Variants in EVA1A observed in about 807,000 individuals in gnomAD.
EVA1A encodes protein eva-1 homolog A.
A neutral mutation model predicts 9.8 loss-of-function variants in EVA1A; 7 were observed. The ratio of observed to expected loss-of-function variants is 0.71; its 90% CI spans 0.41 to 1.34. The LOEUF (loss-of-function observed/expected upper bound fraction) is 1.34, where lower values mean the gene tolerates loss of function less well. Ranked by LOEUF, EVA1A falls within the 40% of genes most tolerant of loss-of-function variation. The pLI is 0.01. For missense variants in EVA1A, 206 were observed against 205.9 expected (o/e 1.00, Z 0.00); for synonymous variants, 90 against 85.6 (o/e 1.05, Z -0.28).
At chr2:75,565,920 A>C (rs1191515457), upstream of EVA1A, among the ~76,000 whole-genome samples, 1 of 152,208 alleles carries the variant, frequency 6.6e-6, no homozygotes, top group African/African-American at 2.4e-5. Flanking sequence ...TTGAAAAGAA[A>C]ATGTATACTT....
At chr2:75,536,771 A>T (rs560737514) in intron 1 of EVA1A, among the ~76,000 whole-genome samples, 1 of 152,314 alleles carries the variant, frequency 6.6e-6, no homozygotes, top group East Asian at 1.9e-4. Flanking sequence ...AGATAATTTG[A>T]ATAGCCCTAT....
At chr2:75,535,812 C>T (rs569417413) in intron 1 of EVA1A, among the ~76,000 whole-genome samples, 1 of 152,184 alleles carries the variant, frequency 6.6e-6, no homozygotes, top group East Asian at 1.9e-4. Flanking sequence ...GAGATGAAAA[C>T]CTACCCATTG....
chr2:75,556,967 G>A (rs1288866216), intron 1 of EVA1A, among the ~76,000 whole-genome samples: 1 of 152,180 alleles, frequency 6.6e-6, no homozygotes, highest in Non-Finnish European at 1.5e-5. Flanking sequence ...AGTCTTGGAT[G>A]TCAATGGATA....
Position 75,518,133 on chromosome 2 carries a change from A to G in EVA1A, c.8T>C (p.Leu3Pro), listed in dbSNP as rs369146049. 9.3e-6 allele frequency: 15 copies of G among 1,613,914 alleles called. No homozygotes were observed. Among genetic ancestry groups the G allele is most frequent in the African/African-American group, 1.3e-5 (1 of 74,908 alleles). Reference protein sequence around the residue: MRLPLSHSPEHVE... With the variant: MRPPLSHSPEHVE... ...GTGCTCTGGGCTGTGGCTGAGGGGC[A>G]GCCTCATGGGACATCCAGAGGGGAC... The change falls in exon 3 of 4, where the codon CTG (leucine) becomes CCG (proline). Residue 3 changes from leucine (L) to proline (P), a missense_variant. Coordinates refer to ENST00000393913, the MANE Select transcript of EVA1A (RefSeq NM_001135032.2).
chr2:75,539,969 C>T (rs968713302), intron 1 of EVA1A, among the ~76,000 whole-genome samples: 2 of 152,076 alleles, frequency 1.3e-5, no homozygotes, highest in African/African-American at 4.8e-5. Context: ...GGAGCTGGAG[C>T]CATGGAGGAG....
Position 75,527,488 on chromosome 2 carries a change from G to A in EVA1A, c.-191-5001C>T, listed in dbSNP as rs915806742. ...GACTCTCATCACTACCAGTGGTTAC[G>A]AGCCCCACATCTGTGGAGACCACAT... On this transcript the variant is annotated intron_variant, in intron 1 of 3. Transcript: ENST00000393913. Among the ~76,000 whole-genome samples, 4 of 152,082 alleles carry A rather than the reference G, an allele frequency of 2.6e-5. No homozygotes were observed. In the South Asian group the frequency reaches 6.2e-4, roughly 24 times the overall value.
At chr2:75,505,489 T>C (rs1558672819) in intron 3 of EVA1A, among the ~76,000 whole-genome samples, 1 of 152,188 alleles carries the variant, frequency 6.6e-6, no homozygotes, top group Non-Finnish European at 1.5e-5. Context: ...ATTTGTTATA[T>C]GTAAATACAT....
chr2:75,550,637 C>T (rs144549829), intron 1 of EVA1A, among the ~76,000 whole-genome samples: 2,043 of 152,360 alleles, frequency 0.013, 42 homozygotes, highest in African/African-American at 0.045. Context: ...TTGTGAAAGA[C>T]ATTTTCTCTG....
At chr2:75,495,106 A>T (rs1674162761) in intron 3 of EVA1A, among the ~76,000 whole-genome samples, 2 of 152,098 alleles carry the variant, frequency 1.3e-5, no homozygotes, top group Admixed American at 6.5e-5. Flanking sequence ...ATTTCCCCTG[A>T]GTCCCCACAG....
intron 1 of EVA1A, among the ~76,000 whole-genome samples, chr2:75,543,939 G>A (rs1357415549): frequency 6.6e-6 from 1 of 151,950 alleles, no homozygotes; most frequent in East Asian, 1.9e-4. Context: ...TCATTTCAAG[G>A]GTTCTAGAAA....
At chr2:75,520,169 C>T (rs149110513) in intron 2 of EVA1A, among the ~76,000 whole-genome samples, 136 of 152,178 alleles carry the variant, frequency 8.9e-4, no homozygotes, top group Non-Finnish European at 1.6e-3. Context: ...CTTTTAGTTC[C>T]CCCAAGTAGA....
rs1199770644 is a variant in EVA1A at position 75,492,871 on chromosome 2, C to T, written c.*365G>A. 2 of 211,838 alleles carry T rather than the reference C, an allele frequency of 9.4e-6. No individual in the cohort carries two copies. The highest frequency in any genetic ancestry group is 4.6e-5 in the African/African-American group (2 of 43,298). The allele number at this position is 211,838 out of a possible 1,614,324, so 13.1% of individuals were successfully genotyped here. ...CACCCTGCTATTCCCAGCCCTCATGCTATAATGATCTTTCCTTTTGCAAAG... is the reference window on the plus strand; with the variant it reads ...CACCCTGCTATTCCCAGCCCTCATGTTATAATGATCTTTCCTTTTGCAAAG... On this transcript the variant is annotated 3_prime_UTR_variant, in exon 4 of 4. Coordinates refer to ENST00000393913, the MANE Select transcript of EVA1A (RefSeq NM_001135032.2).
At chr2:75,552,392 A>G (rs55666492) in intron 1 of EVA1A, among the ~76,000 whole-genome samples, 1 of 152,074 alleles carries the variant, frequency 6.6e-6, no homozygotes, top group Non-Finnish European at 1.5e-5. Context: ...TAGCCCCACT[A>G]TCCTTCCCAC....
chr2:75,551,263 G>A (rs1228109678), intron 1 of EVA1A, among the ~76,000 whole-genome samples: 1 of 152,122 alleles, frequency 6.6e-6, no homozygotes, highest in East Asian at 1.9e-4. Flanking sequence ...AAAAACAATT[G>A]CTAAAGTTTG....
At chr2:75,543,735 G>A (rs1676222996) in intron 1 of EVA1A, among the ~76,000 whole-genome samples, 1 of 152,084 alleles carries the variant, frequency 6.6e-6, no homozygotes, top group Non-Finnish European at 1.5e-5. Context: ...CAACCACATA[G>A]GACCTGCCCC....
At chr2:75,526,629 C>T (rs751204954) in intron 1 of EVA1A, among the ~76,000 whole-genome samples, 14 of 152,130 alleles carry the variant, frequency 9.2e-5, no homozygotes, top group South Asian at 6.2e-4. Flanking sequence ...CTATACTTTG[C>T]TAGAGTAAAG....
intron 3 of EVA1A, among the ~76,000 whole-genome samples, chr2:75,510,186 AT>A (rs1458216889): frequency 6.6e-6 from 1 of 152,204 alleles, no homozygotes; most frequent in East Asian, 1.9e-4. Context: ...ACACAAGTGT[AT>A]TTATTTTGTA....
intron 1 of EVA1A, among the ~76,000 whole-genome samples, chr2:75,527,526 T>C (rs1675493243): frequency 6.6e-6 from 1 of 152,150 alleles, no homozygotes; most frequent in South Asian, 2.1e-4. Context: ...GATCCAGAAC[T>C]CCCATCCCCA....
rs77634941 is a variant in EVA1A at position 75,558,302 on chromosome 2, G to A, written c.-192+2378C>T. ...TATTTCTTCTTACCAAGAAGACTTT[G>A]AGAGACTGATTCAACTTGACCAAGG... On this transcript the variant is annotated intron_variant, in intron 1 of 3. Coordinates refer to ENST00000393913, the MANE Select transcript of EVA1A (RefSeq NM_001135032.2). 8.5e-3 allele frequency among the ~76,000 whole-genome samples: 1,300 copies of A among 152,290 alleles called. 16 individuals carry two copies. Among genetic ancestry groups the A allele is most frequent in the African/African-American group, 0.03 (1,228 of 41,544 alleles).
Sources: gnomAD v4.1 joint callset for allele counts (sites outside exome capture counted in the v4.1 genomes callset) on GRCh38, gnomAD v4.1.1 for gene constraint, MANE v1.5 for transcripts, NCBI Gene and HGNC (gene_info 2026-07-23, HGNC 2026-07-21) for gene names.